The following IGSF11 variants were observed in gnomAD, a reference collection of about 807,000 sequenced individuals.
The protein encoded by IGSF11 is immunoglobulin superfamily member 11.
Under a neutral mutation model 41.0 loss-of-function variants are expected in IGSF11, and 22 were observed. That is an observed-to-expected ratio of 0.54 (90% CI 0.38 to 0.77). The LOEUF (loss-of-function observed/expected upper bound fraction) is 0.77. IGSF11 is among the 30% of genes least tolerant of loss of function. The pLI, the probability that IGSF11 is intolerant of heterozygous loss-of-function variation, is 0.00. For synonymous variants in IGSF11, 219 were observed against 201.3 expected, an observed-to-expected ratio of 1.09 and a Z score of -0.74; for missense variants, 444 against 530.8, an observed-to-expected ratio of 0.84 and a Z score of 1.61.
chr3:118,907,925 A>G (rs1184610190), intron 4 of IGSF11, among the ~76,000 whole-genome samples: 3 of 152,220 alleles, frequency 2.0e-5, no homozygotes, highest in Non-Finnish European at 2.9e-5. Flanking sequence ...AGTAATATAA[A>G]CTAAGCAATG....
At chr3:119,084,933 A>G (rs1203324284) in intron 1 of IGSF11, among the ~76,000 whole-genome samples, 2 of 152,236 alleles carry the variant, frequency 1.3e-5, no homozygotes, top group Non-Finnish European at 2.9e-5. Flanking sequence ...CAGAAAGCTG[A>G]GAGGGCTGAG....
At chr3:118,959,603 T>C (rs779945579) in intron 1 of IGSF11, among the ~76,000 whole-genome samples, 1 of 152,204 alleles carries the variant, frequency 6.6e-6, no homozygotes, top group Non-Finnish European at 1.5e-5. Flanking sequence ...GCAACTACTA[T>C]GAATAGTTAG....
intron 1 of IGSF11, among the ~76,000 whole-genome samples, chr3:119,046,352 A>G (rs1369400579): frequency 6.6e-6 from 1 of 152,182 alleles, no homozygotes; most frequent in Non-Finnish European, 1.5e-5. Context: ...AGAATGCAGA[A>G]GCCTCAGGAG....
chr3:118,947,170 C>G (rs967140517), intron 1 of IGSF11: 3 of 152,198 alleles, frequency 2.0e-5, no homozygotes, highest in Non-Finnish European at 4.4e-5. Context: ...AGAGAGGGAG[C>G]CTCACAACAT....
At chr3:119,124,887 C>T (rs1191621860) in intron 1 of IGSF11, among the ~76,000 whole-genome samples, 3 of 151,916 alleles carry the variant, frequency 2.0e-5, no homozygotes, top group African/African-American at 7.3e-5. Flanking sequence ...TCCCAAAGGT[C>T]AAGTATAAAG....
chr3:119,014,396 C>T (rs772171114), intron 1 of IGSF11, among the ~76,000 whole-genome samples: 9 of 152,178 alleles, frequency 5.9e-5, no homozygotes, highest in Non-Finnish European at 1.3e-4. Context: ...CACAATTACA[C>T]AAGCACATAT....
intron 1 of IGSF11, among the ~76,000 whole-genome samples, chr3:119,126,848 A>T (rs1474401930): frequency 6.6e-6 from 1 of 152,008 alleles, no homozygotes; most frequent in East Asian, 1.9e-4. Flanking sequence ...AACAACAACA[A>T]AAAGGCATCT....
intron 1 of IGSF11, among the ~76,000 whole-genome samples, chr3:119,065,181 ATTG>A (rs1458385784): frequency 2.6e-5 from 4 of 152,148 alleles, no homozygotes; most frequent in Admixed American, 2.0e-4. Context: ...ATTCCATTTT[ATTG>A]TTAAGTTTGC....
At chr3:118,987,727 G>A (rs1169625115) in intron 1 of IGSF11, among the ~76,000 whole-genome samples, 6 of 152,228 alleles carry the variant, frequency 3.9e-5, no homozygotes, top group Non-Finnish European at 5.9e-5. Context: ...TGCCTTGGCA[G>A]GGCTGGACAG....
chr3:118,998,645 A>T (rs1936506859), intron 1 of IGSF11, among the ~76,000 whole-genome samples: 1 of 152,112 alleles, frequency 6.6e-6, no homozygotes, highest in African/African-American at 2.4e-5. Flanking sequence ...TTTAAAAGAA[A>T]GCCCCAAAAC....
At chr3:119,083,553 CAT>C (rs1478313682) in intron 1 of IGSF11, among the ~76,000 whole-genome samples, 257 of 72,378 alleles carry the variant, frequency 3.6e-3, no homozygotes, top group Middle Eastern at 8.3e-3. Context: ...CACACACACA[CAT>C]AGAGTCATGT....
chr3:119,061,040 G>A (rs542469394), intron 1 of IGSF11, among the ~76,000 whole-genome samples: 25 of 152,066 alleles, frequency 1.6e-4, no homozygotes, highest in Non-Finnish European at 3.4e-4. Context: ...CAAAAACAGT[G>A]AGCTATGCTG....
At chr3:118,926,317 G>GGA in intron 3 of IGSF11, 61 bp from the exon 4 acceptor site, 1 of 1,332,424 alleles carries the variant, frequency 7.5e-7, no homozygotes, top group South Asian at 1.5e-5. Context: ...TGATGATGGA[G>GGA]GAGACATCAA....
chr3:119,111,613 G>T (rs2077162159), intron 1 of IGSF11, among the ~76,000 whole-genome samples: 1 of 152,232 alleles, frequency 6.6e-6, no homozygotes, highest in Admixed American at 6.5e-5. Flanking sequence ...TCTCCGTCCA[G>T]CTTTGTTCGG....
In IGSF11 at chr3:118,989,482, A is replaced by G. The variant is rs1217496676; in HGVS notation, c.52+45049T>C. Among the ~76,000 whole-genome samples, 3 of 151,908 alleles carry G rather than the reference A, an allele frequency of 2.0e-5. No homozygotes were observed. In the East Asian group the frequency reaches 5.8e-4, roughly 29 times the overall value. On this transcript the variant is annotated intron_variant, in intron 1 of 6. Coordinates refer to ENST00000393775, the MANE Select transcript of IGSF11 (RefSeq NM_001015887.3). Reference sequence around the variant, plus strand: ...ATTCTCCTGCCTCAGGCTCCTGAGTAGCTGGGACTACAGGCGCCCACCACC... The same window carrying G: ...ATTCTCCTGCCTCAGGCTCCTGAGTGGCTGGGACTACAGGCGCCCACCACC...
At chr3:119,021,886 A>C (rs1162722180) in intron 1 of IGSF11, among the ~76,000 whole-genome samples, 1 of 152,194 alleles carries the variant, frequency 6.6e-6, no homozygotes, top group African/African-American at 2.4e-5. Flanking sequence ...GAAAGTAAAA[A>C]AGCAAGTCAT....
chr3:119,003,891 C>T (rs1937176203), intron 1 of IGSF11, among the ~76,000 whole-genome samples: 1 of 148,124 alleles, frequency 6.8e-6, no homozygotes, highest in African/African-American at 2.6e-5. Flanking sequence ...ATTTTTGCAT[C>T]GATATTCATC....
At chr3:118,905,793 T>C in intron 4 of IGSF11, 75 bp from the exon 5 acceptor site, 1 of 1,539,668 alleles carries the variant, frequency 6.5e-7, no homozygotes, top group Non-Finnish European at 8.9e-7. Context: ...CGGAAGACCA[T>C]AAAAACAGAC....
chr3:119,085,778 A>C (rs1043086859), intron 1 of IGSF11, among the ~76,000 whole-genome samples: 1 of 152,260 alleles, frequency 6.6e-6, no homozygotes, highest in Non-Finnish European at 1.5e-5. Context: ...GAACAGAGCA[A>C]GCTAAGGAAA....
Sources: allele counts gnomAD v4.1 joint callset (sites outside exome capture counted in the v4.1 genomes callset), GRCh38; gene constraint gnomAD v4.1.1; transcripts MANE v1.5; gene names NCBI Gene and HGNC (gene_info 2026-07-23, HGNC 2026-07-21).